Variants in DRC7 observed in about 807,000 individuals in gnomAD.
DRC7 encodes dynein regulatory complex subunit 7.
DRC7 carries 80 observed loss-of-function variants against 104.4 expected under a neutral mutation model. That is an observed-to-expected ratio of 0.77 (90% CI 0.64 to 0.92). The LOEUF is 0.92. Among genes scored for constraint, DRC7 ranks in the 40% least tolerant of loss-of-function variants. DRC7 has a pLI of 0.00. For missense variants in DRC7, 1,034 were observed against 1,141.1 expected (o/e 0.91, Z 1.35); for synonymous variants, 405 against 447.3 (o/e 0.91, Z 1.19).
intron 9 of DRC7, among the ~76,000 whole-genome samples, chr16:57,721,114 G>A (rs1443143205): frequency 6.6e-6 from 1 of 152,148 alleles, no homozygotes; most frequent in African/African-American, 2.4e-5. Context: ...TACTCAGGAG[G>A]CTGAGGCAGG....
chr16:57,704,374 C>T (rs546053775), intron 6 of DRC7, among the ~76,000 whole-genome samples: 3 of 115,438 alleles, frequency 2.6e-5, no homozygotes, highest in East Asian at 2.7e-4. Flanking sequence ...GACACGCAAG[C>T]GTACACACAC....
chr16:57,726,226 G>A lies in DRC7; in HGVS notation c.1917G>A (p.Glu639=), dbSNP rs771972834. The A allele has an allele frequency of 2.5e-6, 4 of 1,613,026 alleles. No homozygotes were observed. The African/African-American group carries it at 5.3e-5, about 22-fold the overall frequency. ...AGCGCGAGTTCCTGCGGCGCACCGA[G>A]GTGGACAGCAAAGGCAACAAGATCA... ...ASKREFLRRT[E]VDSKGNKIIM... is the part of the protein sequence containing the mutation. Residue 639 remains glutamate (E), a synonymous_variant, in exon 14 of 19, where the codon GAG becomes GAA. Coordinates refer to ENST00000360716, the MANE Select transcript of DRC7 (RefSeq NM_001289162.2).
chr16:57,707,787 G>A (rs185827426), intron 8 of DRC7, 109 bp downstream of exon 8: 125 of 966,098 alleles, frequency 1.3e-4, no homozygotes, highest in Non-Finnish European at 1.5e-4. Context: ...ACCAGGCCAC[G>A]AGGGCTTTGA....
intron 6 of DRC7, among the ~76,000 whole-genome samples, chr16:57,702,943 G>A (rs757511902): frequency 6.6e-6 from 1 of 151,970 alleles, no homozygotes; most frequent in Non-Finnish European, 1.5e-5. Flanking sequence ...GAGTGCAGTG[G>A]CATGATCTCG....
At position 57,714,634 on chromosome 16, in the gene DRC7, T is replaced by TCACACACACACA. The variant is rs111259708; in HGVS notation, c.1078-3708_1078-3697dup. On this transcript the variant is annotated intron_variant, in intron 8 of 18. Transcript: ENST00000360716. ...GAGAGAGAGAGTCTCTCTCTCTCTG[T>TCACACACACACA]CACACACACACACACATACATATGC... 3.9e-4 allele frequency: 72 copies of TCACACACACACA among 186,912 alleles called. No individual in the cohort carries two copies. The East Asian group carries it at 4.4e-3, about 12-fold the overall frequency. 11.6% of individuals were successfully genotyped at this position (186,912 alleles called of 1,614,324 possible).
intron 8 of DRC7, 41 bp from the exon 9 acceptor site, chr16:57,718,306 G>A: frequency 6.2e-7 from 1 of 1,605,200 alleles, no homozygotes; most frequent in Non-Finnish European, 8.5e-7. Flanking sequence ...GGACGTGGTG[G>A]CTGTGGGGTA....
At chr16:57,727,581 G>A (rs1419411253) in intron 16 of DRC7, among the ~76,000 whole-genome samples, 172 bp downstream of exon 16, 1 of 152,210 alleles carries the variant, frequency 6.6e-6, no homozygotes, top group Admixed American at 6.5e-5. Flanking sequence ...TCATCCCAAA[G>A]AGTACTTGGG....
chr16:57,702,026 G>A lies in DRC7; in HGVS notation c.595G>A (p.Gly199Ser), dbSNP rs778596229. ...TACGCTGCTCTGCTCCATGCTTATC[G>A]GCTCTGGCTATGATGCTTACTGCGT... is the stretch of plus-strand genomic sequence containing the variant. Reference protein sequence around the residue: ...FSTLLCSMLIGSGYDAYCVNG... With the variant: ...FSTLLCSMLISSGYDAYCVNG... The change falls in exon 6 of 19, where the codon GGC (glycine) becomes AGC (serine). Residue 199 changes from glycine to serine, a missense_variant. Physicochemically the swap from Gly to Ser is moderately conservative, Grantham distance 56. Transcript: ENST00000360716. The A allele has an allele frequency of 9.3e-6, 15 of 1,614,094 alleles. No homozygotes were observed. The African/African-American group carries it at 1.1e-4, about 11-fold the overall frequency.
In DRC7 at chr16:57,721,684, T is replaced by C. The variant is rs770107178; in HGVS notation, c.1224T>C (p.Asp408=). 11 of 1,613,746 alleles carry C rather than the reference T, an allele frequency of 6.8e-6. No individual in the cohort carries two copies. The highest frequency in any genetic ancestry group is 1.7e-6 in the Non-Finnish European group (2 of 1,179,886). Reference sequence around the variant, plus strand: ...CCCATCAGGGCAAGGAGGATGAGGATAAGAGCTTCGACATGCCCCACTCGT... The same window carrying C: ...CCCATCAGGGCAAGGAGGATGAGGACAAGAGCTTCGACATGCCCCACTCGT... ...DVENLGKEDE[D]KSFDMPHSWV... Residue 408 remains aspartate, a synonymous_variant, in exon 10 of 19, where the codon GAT becomes GAC. Transcript: ENST00000360716.
At chr16:57,721,454 T>C (rs1267001683) in intron 9 of DRC7, among the ~76,000 whole-genome samples, 1 of 152,074 alleles carries the variant, frequency 6.6e-6, no homozygotes, top group Non-Finnish European at 1.5e-5. Context: ...GGTGCTGCTG[T>C]CCTAAGCCAG....
chr16:57,726,077 G>A lies in DRC7; in HGVS notation c.1768G>A (p.Glu590Lys). Residue 590 changes from glutamate (E) to lysine (K), a missense_variant, in exon 14 of 19, where the codon GAG (glutamate) becomes AAG (lysine). Coordinates refer to ENST00000360716, the MANE Select transcript of DRC7 (RefSeq NM_001289162.2). Reference sequence around the variant, plus strand: ...TGTTCTGGCCTCCCAGAAAATCACAGAGCGGTTCTTCCGCAACCCAGCGAA... The same window carrying A: ...TGTTCTGGCCTCCCAGAAAATCACAAAGCGGTTCTTCCGCAACCCAGCGAA... ...SNPRPIVKIT[E>K]RFFRNPAKPA... The A allele has an allele frequency of 6.2e-7, 1 of 1,613,080 alleles. No individual in the cohort carries two copies. The highest frequency in any genetic ancestry group is 1.1e-5 in the South Asian group (1 of 91,020).
chr16:57,723,366 G>T (rs909597920), intron 12 of DRC7, among the ~76,000 whole-genome samples: 1 of 152,180 alleles, frequency 6.6e-6, no homozygotes, highest in Non-Finnish European at 1.5e-5. Flanking sequence ...GCTAAAGGGG[G>T]CGCCACATAC....
At chr16:57,718,122 A>G (rs2048863193) in intron 8 of DRC7, among the ~76,000 whole-genome samples, 1 of 152,172 alleles carries the variant, frequency 6.6e-6, no homozygotes, top group Non-Finnish European at 1.5e-5. Context: ...AGGCTGAATG[A>G]TGGGCAGGGA....
At position 57,724,782 on chromosome 16, in the gene DRC7, C is replaced by T. The variant is rs764388758; in HGVS notation, c.1705C>T (p.Arg569Ter). 1.5e-5 allele frequency: 24 copies of T among 1,613,656 alleles called. No homozygotes were observed. The highest frequency in any genetic ancestry group is 1.9e-5 in the Non-Finnish European group (23 of 1,180,012). The change falls in exon 13 of 19, where the codon CGA (arginine) becomes TGA (stop). Residue 569 changes from arginine (R) to a stop codon, truncating the protein, a stop_gained. Coordinates refer to ENST00000360716, the MANE Select transcript of DRC7 (RefSeq NM_001289162.2). LOFTEE classifies it high-confidence loss of function. The stretch of plus-strand genomic sequence containing the variant: ...CTACCGCCATGCCAGCTTCGGACCC[C>T]GAGTCAAGAAGCTCACTCTGAGCAG... ...LSYRHASFGP[R>*]VKKLTLSSAE...
At chr16:57,725,383 G>A (rs1449430487) in intron 13 of DRC7, 1 of 156,246 alleles carries the variant, frequency 6.4e-6, no homozygotes, top group African/African-American at 2.4e-5. Flanking sequence ...TTTGGTGGGG[G>A]GACACGAAAC....
chr16:57,706,680 T>G (rs2048735412), intron 7 of DRC7, among the ~76,000 whole-genome samples: 1 of 81,416 alleles, frequency 1.2e-5, no homozygotes, highest in African/African-American at 4.3e-5. Context: ...GATCCATCCA[T>G]CCTTCCTTCC....
At chr16:57,702,267 C>A in intron 6 of DRC7, 137 bp downstream of exon 6, 1 of 775,422 alleles carries the variant, frequency 1.3e-6, no homozygotes, top group African/African-American at 1.7e-5. Flanking sequence ...TCACCACCAG[C>A]CCTTCCGCTG....
rs375048759 is a variant in DRC7 at position 57,726,107 on chromosome 16, G to C, written c.1798G>C (p.Ala600Pro). Residue 600 changes from alanine (A) to proline (P), a missense_variant, in exon 14 of 19, where the codon GCG becomes CCG. By Grantham distance (27) the Ala-to-Pro change is conservative. Transcript: ENST00000360716. ...GTTCTTCCGCAACCCAGCGAAGCCC[G>C]CGGAGGAGGACGTGGCAGAGCGCGT... ...ERFFRNPAKP[A>P]EEDVAERVFL... The C allele has an allele frequency of 6.2e-7, 1 of 1,613,346 alleles. No individual in the cohort carries two copies. Among genetic ancestry groups the C allele is most frequent in the South Asian group, 1.1e-5 (1 of 91,090 alleles).
At position 57,698,630 on chromosome 16, in the gene DRC7, C is replaced by A. The variant is rs148782811; in HGVS notation, c.204-220C>A. Reference sequence around the variant, plus strand: ...ACTTAAGCCCAGGAGTTCAAGGCTGCAGTGAGCTATGATTGTGCTATCACA... The same window carrying A: ...ACTTAAGCCCAGGAGTTCAAGGCTGAAGTGAGCTATGATTGTGCTATCACA... On this transcript the variant is annotated intron_variant, in intron 3 of 18. Transcript: ENST00000360716. Among the ~76,000 whole-genome samples the A allele has an allele frequency of 3.9e-3, 587 of 152,254 alleles. 5 individuals are homozygous for A. Among genetic ancestry groups the A allele is most frequent in the African/African-American group, 0.014 (567 of 41,542 alleles).
Sources: gnomAD v4.1 joint callset for allele counts (sites outside exome capture counted in the v4.1 genomes callset) on GRCh38, gnomAD v4.1.1 for gene constraint, MANE v1.5 for transcripts, NCBI Gene and HGNC (gene_info 2026-07-23, HGNC 2026-07-21) for gene names.